The following VPS35 variants were observed in gnomAD, a reference collection of about 807,000 sequenced individuals.
The protein encoded by VPS35 is vacuolar protein sorting-associated protein 35.
VPS35 carries 21 observed loss-of-function variants against 98.1 expected under a neutral mutation model. The observed-to-expected ratio is 0.21, with a 90% CI of 0.15 to 0.31. VPS35 has a LOEUF of 0.31. Ranked by LOEUF, VPS35 falls within the 10% of genes least tolerant of loss-of-function variation. VPS35 has a pLI of 1.00. For missense variants in VPS35, 554 were observed against 950.8 expected, an observed-to-expected ratio of 0.58 and a Z score of 5.49; for synonymous variants, 268 against 318.2, an observed-to-expected ratio of 0.84 and a Z score of 1.68.
intron 2 of VPS35, 164 bp from the exon 3 acceptor site, chr16:46,682,339 T>G: frequency 4.8e-6 from 3 of 618,936 alleles, no homozygotes; most frequent in Non-Finnish European, 8.7e-6. Context: ...CGGTTCACCT[T>G]GCCGTCTCTA....
intron 2 of VPS35, 63 bp downstream of exon 2, chr16:46,683,445 A>C: frequency 6.9e-7 from 1 of 1,457,432 alleles, no homozygotes; most frequent in South Asian, 1.2e-5. Context: ...TCTAGAAGAC[A>C]CTGCACATGC....
chr16:46,687,650 T>C (rs978069706), intron 1 of VPS35, among the ~76,000 whole-genome samples: 5 of 152,126 alleles, frequency 3.3e-5, no homozygotes, highest in South Asian at 2.1e-4. Flanking sequence ...AAGTTCGACA[T>C]TGGTACCCAG....
At chr16:46,688,939 C>A in intron 1 of VPS35, 192 bp downstream of exon 1, 1 of 1,476,570 alleles carries the variant, frequency 6.8e-7, no homozygotes, top group South Asian at 1.3e-5. Context: ...GAGCCGCCGC[C>A]CACCCCGGCC....
chr16:46,671,247 AAATAT>A (rs1966064146), intron 12 of VPS35, among the ~76,000 whole-genome samples: 1 of 152,220 alleles, frequency 6.6e-6, no homozygotes, highest in Non-Finnish European at 1.5e-5. Flanking sequence ...AAGTAAAATT[AAATAT>A]AAGAATTGTA....
Position 46,661,787 on chromosome 16 carries a change from A to C in VPS35, c.2142T>G (p.Ser714=), listed in dbSNP as rs1359960963. 6.2e-7 allele frequency: 1 copy of C among 1,613,980 alleles called. No individual in the cohort carries two copies. Among genetic ancestry groups the C allele is most frequent in the Non-Finnish European group, 8.5e-7 (1 of 1,179,966 alleles). The change falls in exon 16 of 17, where the codon TCT becomes TCG. Residue 714 remains serine, a synonymous_variant. Transcript: ENST00000299138. The surrounding 1 kb of genome is among the most constrained non-coding windows in gnomAD (Gnocchi z 4.3). The part of the protein sequence containing the change: ...LKIANQCMDP[S]LQVQLFIEIL... ...TTTCTATAAAAAGCTGCACTTGTAGAGAGGGGTCCATGCACTGATTTGCTA... is the reference window on the plus strand; with the variant it reads ...TTTCTATAAAAAGCTGCACTTGTAGCGAGGGGTCCATGCACTGATTTGCTA...
chr16:46,670,442 C>A (rs1423132581), intron 12 of VPS35, among the ~76,000 whole-genome samples: 1 of 152,114 alleles, frequency 6.6e-6, no homozygotes, highest in African/African-American at 2.4e-5. Flanking sequence ...CACCACCACG[C>A]CCAGCTAATT....
At position 46,683,595 on chromosome 16, in the gene VPS35, C is replaced by T; in HGVS notation, c.15G>A (p.Gln5=). 2 of 1,612,660 alleles carry T rather than the reference C, an allele frequency of 1.2e-6. No individual in the cohort carries two copies. Among genetic ancestry groups the T allele is most frequent in the Non-Finnish European group, 1.7e-6 (2 of 1,179,326 alleles). MPTT[Q]QSPQDEQEKL... ...TTTCCTGCTCATCCTGAGGGGACTGCTGTGTTGTAGGCTGAAAAATAAAAA... is the reference window on the plus strand; with the variant it reads ...TTTCCTGCTCATCCTGAGGGGACTGTTGTGTTGTAGGCTGAAAAATAAAAA... The change falls in exon 2 of 17, where the codon CAG becomes CAA. Residue 5 remains glutamine (Q), a synonymous_variant. Coordinates refer to ENST00000299138, the MANE Select transcript of VPS35 (RefSeq NM_018206.6).
chr16:46,666,986 A>G (rs1024196786), intron 13 of VPS35, among the ~76,000 whole-genome samples: 3 of 152,126 alleles, frequency 2.0e-5, no homozygotes, highest in African/African-American at 7.2e-5. Flanking sequence ...GCATAACTAG[A>G]TGTGGGACTG....
At chr16:46,664,044 C>A (rs1483327767) in intron 13 of VPS35, among the ~76,000 whole-genome samples, 1 of 151,542 alleles carries the variant, frequency 6.6e-6, no homozygotes, top group East Asian at 1.9e-4. Flanking sequence ...AAGTTACATT[C>A]CCAAATTGGA....
rs2143005732 is a variant in VPS35 at position 46,661,358 on chromosome 16, T to C, written c.2211+360A>G. On this transcript the variant is annotated intron_variant, in intron 16 of 16. Coordinates refer to ENST00000299138, the MANE Select transcript of VPS35 (RefSeq NM_018206.6). This position sits in a 1 kb window ranked among gnomAD's most constrained non-coding sequence, Gnocchi z 4.3. ...GATTCTCCTGCCTTAGGCTTCCAAG[T>C]AGCTGGGATTACAGGCGCCTGCCAC... is the stretch of plus-strand genomic sequence containing the variant. Among the ~76,000 whole-genome samples, 1 of 152,244 alleles carries C rather than the reference T, an allele frequency of 6.6e-6. No homozygotes were observed. Among genetic ancestry groups the C allele is most frequent in the East Asian group, 1.9e-4 (1 of 5,150 alleles).
chr16:46,677,969 T>C (rs1337909818), intron 6 of VPS35, among the ~76,000 whole-genome samples: 1 of 152,236 alleles, frequency 6.6e-6, no homozygotes, highest in Non-Finnish European at 1.5e-5. Context: ...GGGTCAAGGT[T>C]CAGGGTTTTT....
chr16:46,686,540 G>A (rs1966318534), intron 1 of VPS35, among the ~76,000 whole-genome samples: 1 of 152,124 alleles, frequency 6.6e-6, no homozygotes, highest in Non-Finnish European at 1.5e-5. Flanking sequence ...TTATTACAAA[G>A]TAAGCTACAA....
intron 6 of VPS35, 184 bp from the exon 7 acceptor site, chr16:46,677,582 C>G (rs1966170864): frequency 3.4e-6 from 2 of 590,808 alleles, no homozygotes; most frequent in Non-Finnish European, 6.1e-6. Flanking sequence ...GTTGCCCAGG[C>G]TGGAGTGAAG....
chr16:46,663,535 C>A (rs1339558462), intron 13 of VPS35, among the ~76,000 whole-genome samples: 4 of 152,030 alleles, frequency 2.6e-5, no homozygotes, highest in Non-Finnish European at 5.9e-5. Flanking sequence ...GTGCCCACCA[C>A]CACACCCAGC....
intron 1 of VPS35, chr16:46,688,819 T>G: frequency 7.3e-7 from 1 of 1,368,520 alleles, no homozygotes; most frequent in Non-Finnish European, 9.4e-7. Flanking sequence ...GGTAGGCAGG[T>G]GACCGATTCC....
At position 46,656,345 on chromosome 16, in the gene VPS35, T is replaced by C. The variant is rs926556925; in HGVS notation, c.*4127A>G. On this transcript the variant is annotated 3_prime_UTR_variant, in exon 17 of 17. Transcript: ENST00000299138. The stretch of plus-strand genomic sequence containing the variant: ...TGGGAGCAGACTTGAATTGCAGAAC[T>C]GAAGTTACAATTGGCACATCCTTGT... The C allele has an allele frequency of 8.5e-5, 13 of 152,240 alleles. No homozygotes were observed. Among genetic ancestry groups the C allele is most frequent in the Admixed American group, 8.5e-4 (13 of 15,286 alleles). 9.4% of individuals were successfully genotyped at this position (152,240 alleles called of 1,614,324 possible). A position where few individuals can be genotyped will look rare whatever the true frequency, so the allele number is the denominator to read the frequency against.
At chr16:46,668,688 C>T (rs1219968817) in intron 13 of VPS35, among the ~76,000 whole-genome samples, 1 of 152,162 alleles carries the variant, frequency 6.6e-6, no homozygotes, top group Non-Finnish European at 1.5e-5. Flanking sequence ...ATTCACACTG[C>T]TTTAATCTTG....
At chr16:46,688,547 A>C in intron 1 of VPS35, 1 of 991,386 alleles carries the variant, frequency 1.0e-6, no homozygotes, top group South Asian at 4.5e-5. Context: ...ATTAGAAGAC[A>C]GCCTGAGTCC....
chr16:46,684,417 C>T (rs1007805791), intron 1 of VPS35, among the ~76,000 whole-genome samples: 4 of 152,174 alleles, frequency 2.6e-5, no homozygotes, highest in African/African-American at 9.7e-5. Flanking sequence ...AGAAATAAAA[C>T]AGCCAAAATT....
Sources: gnomAD v4.1 joint callset for allele counts (sites outside exome capture counted in the v4.1 genomes callset) on GRCh38, gnomAD v4.1.1 for gene constraint, Gnocchi (gnomAD v3.1) non-coding constraint, MANE v1.5 for transcripts, NCBI Gene and HGNC (gene_info 2026-07-23, HGNC 2026-07-21) for gene names.